The following MBD5 variants were observed in gnomAD, a reference collection of about 807,000 sequenced individuals.
MBD5 encodes the protein methyl-CpG-binding domain protein 5.
Under a neutral mutation model 117.3 loss-of-function variants are expected in MBD5, and 13 were observed. That is an observed-to-expected ratio of 0.11 (90% confidence interval 0.07 to 0.18). The LOEUF (loss-of-function observed/expected upper bound fraction) is 0.18. MBD5 is among the 10% of genes least tolerant of loss of function. The probability of loss-of-function intolerance (pLI) is 1.00; values close to 1 mark genes in which losing one functional copy is unlikely to be tolerated. For missense variants in MBD5, 1,879 were observed against 2,093.8 expected, an observed-to-expected ratio of 0.90 and a Z score of 2.00; for synonymous variants, 727 against 766.4, an observed-to-expected ratio of 0.95 and a Z score of 0.85.
chr2:148,094,824 A>G (rs1696025140), intron 1 of MBD5, among the ~76,000 whole-genome samples: 1 of 152,186 alleles, frequency 6.6e-6, no homozygotes, highest in Admixed American at 6.5e-5. Flanking sequence ...ACATATAGCT[A>G]TACATAGAGA....
intron 3 of MBD5, among the ~76,000 whole-genome samples, chr2:148,250,689 A>C (rs951778890): frequency 6.6e-6 from 1 of 152,202 alleles, no homozygotes; most frequent in Admixed American, 6.5e-5. Context: ...TTTATGTGCT[A>C]GTCATTATAC....
chr2:148,137,032 G>C (rs371167437), intron 1 of MBD5, among the ~76,000 whole-genome samples: 12 of 152,156 alleles, frequency 7.9e-5, no homozygotes, highest in African/African-American at 2.9e-4. Context: ...AAAGTGCTGG[G>C]ATTACAGGCG....
At chr2:148,121,869 AAAAG>A (rs774594732) in intron 1 of MBD5, among the ~76,000 whole-genome samples, 2 of 152,134 alleles carry the variant, frequency 1.3e-5, no homozygotes, top group African/African-American at 4.8e-5. Context: ...GATATAAGTT[AAAAG>A]AAAGAAAGGA....
At chr2:148,129,369 C>T (rs956081164) in intron 1 of MBD5, among the ~76,000 whole-genome samples, 1 of 152,044 alleles carries the variant, frequency 6.6e-6, no homozygotes, top group African/African-American at 2.4e-5. Flanking sequence ...GCGATGTGTG[C>T]CTGTAATCTC....
At chr2:148,426,116 G>A (rs1488827951) in intron 4 of MBD5, among the ~76,000 whole-genome samples, 3 of 152,144 alleles carry the variant, frequency 2.0e-5, no homozygotes, top group Non-Finnish European at 4.4e-5. Flanking sequence ...ACCTCTTCAA[G>A]GAGAACTACA....
chr2:148,088,704 A>C (rs1296251597), intron 1 of MBD5, among the ~76,000 whole-genome samples: 1 of 152,202 alleles, frequency 6.6e-6, no homozygotes, highest in Non-Finnish European at 1.5e-5. Flanking sequence ...AAATGCTAAA[A>C]GGAGTTCTAA....
chr2:148,067,711 T>G (rs1244505045), intron 1 of MBD5, among the ~76,000 whole-genome samples: 1 of 152,194 alleles, frequency 6.6e-6, no homozygotes, highest in Non-Finnish European at 1.5e-5. Context: ...ATTCTCACCC[T>G]ACCCTCAGCC....
chr2:148,383,809 T>C (rs1488587823), intron 4 of MBD5, among the ~76,000 whole-genome samples: 1 of 152,102 alleles, frequency 6.6e-6, no homozygotes, highest in Non-Finnish European at 1.5e-5. Context: ...GTTCAACATA[T>C]GAAAGTCAAT....
At chr2:148,430,109 GA>G (rs1393832540) in intron 4 of MBD5, among the ~76,000 whole-genome samples, 12 of 152,206 alleles carry the variant, frequency 7.9e-5, no homozygotes, top group African/African-American at 2.9e-4. Context: ...CATTCTGTGT[GA>G]ATTCAGTTGT....
At chr2:148,205,835 G>T (rs1191214476) in intron 2 of MBD5, among the ~76,000 whole-genome samples, 1 of 152,090 alleles carries the variant, frequency 6.6e-6, no homozygotes, top group Non-Finnish European at 1.5e-5. Flanking sequence ...AGAACAGTCA[G>T]GGCAACATGG....
chr2:148,148,443 C>T (rs1298713534), intron 1 of MBD5, among the ~76,000 whole-genome samples: 1 of 152,160 alleles, frequency 6.6e-6, no homozygotes. Flanking sequence ...AATTCAGCCA[C>T]TTTTCTTGAA....
intron 3 of MBD5, among the ~76,000 whole-genome samples, chr2:148,238,974 A>G (rs372453369): frequency 6.6e-6 from 1 of 151,834 alleles, no homozygotes; most frequent in African/African-American, 2.4e-5. Context: ...TTGGAGAAAC[A>G]TAATTCAACC....
At chr2:148,085,145 C>G (rs996302856) in intron 1 of MBD5, among the ~76,000 whole-genome samples, 1 of 152,134 alleles carries the variant, frequency 6.6e-6, no homozygotes, top group African/African-American at 2.4e-5. Flanking sequence ...CAACATTGCT[C>G]AGGTCCAGGG....
intron 4 of MBD5, among the ~76,000 whole-genome samples, chr2:148,392,713 C>T (rs1394757409): frequency 1.3e-5 from 2 of 152,154 alleles, no homozygotes; most frequent in Admixed American, 1.3e-4. Flanking sequence ...AAGGCCTTCC[C>T]TACTCCAGTT....
chr2:148,323,673 G>A (rs1485582068), intron 3 of MBD5, among the ~76,000 whole-genome samples: 3 of 152,084 alleles, frequency 2.0e-5, no homozygotes, highest in African/African-American at 2.4e-5. Flanking sequence ...CATGTCCTTT[G>A]CCCACTTTTT....
intron 3 of MBD5, among the ~76,000 whole-genome samples, chr2:148,246,190 TA>T (rs1700333018): frequency 6.6e-6 from 1 of 152,158 alleles, no homozygotes; most frequent in South Asian, 2.1e-4. Flanking sequence ...GAATATACTC[TA>T]AAAAACATTA....
intron 1 of MBD5, among the ~76,000 whole-genome samples, chr2:148,057,486 T>C (rs141565893): frequency 3.4e-3 from 523 of 151,912 alleles, no homozygotes; most frequent in East Asian, 8.3e-3. Context: ...TTTTTAGAAG[T>C]GTTTTTGCCC....
chr2:148,303,811 CT>C (rs1346319356), intron 3 of MBD5, among the ~76,000 whole-genome samples: 1 of 152,022 alleles, frequency 6.6e-6, no homozygotes, highest in Non-Finnish European at 1.5e-5. Context: ...ATATCTTTTT[CT>C]TTTTTTGTTA....
At chr2:148,328,673 T>C (rs1702543090) in intron 3 of MBD5, among the ~76,000 whole-genome samples, 1 of 152,218 alleles carries the variant, frequency 6.6e-6, no homozygotes, top group Admixed American at 6.5e-5. Flanking sequence ...GCTTCCCGAG[T>C]GAGGCAATGC....
Sources: gnomAD v4.1 joint callset for allele counts (sites outside exome capture counted in the v4.1 genomes callset) on GRCh38, gnomAD v4.1.1 for gene constraint, MANE v1.5 for transcripts, NCBI Gene and HGNC (gene_info 2026-07-23, HGNC 2026-07-21) for gene names.